The following FABP6 variants were observed in gnomAD, a reference collection of about 807,000 sequenced individuals.
FABP6 encodes the protein fatty acid binding protein 6, also known as gastrotropin.
In FABP6, 13 loss-of-function variants were observed where a neutral mutation model predicts 14.9. That is an observed-to-expected ratio of 0.87 (90% CI 0.57 to 1.39). The LOEUF is 1.39. Among genes scored for constraint, FABP6 ranks in the 40% most tolerant of loss-of-function variants. The pLI, the probability that FABP6 is intolerant of heterozygous loss-of-function variation, is 0.00. For missense variants in FABP6, 161 were observed against 167.2 expected (o/e 0.96, Z 0.20); for synonymous variants, 75 against 63.6 (o/e 1.18, Z -0.85).
chr5:160,209,701 T>G (rs930472193), intron 2 of FABP6, among the ~76,000 whole-genome samples: 1 of 146,494 alleles, frequency 6.8e-6, no homozygotes. Flanking sequence ...ATCATCGTCT[T>G]TTTTGTCTTT....
At chr5:160,217,992 G>A (rs190954092) in intron 3 of FABP6, among the ~76,000 whole-genome samples, 1 of 152,236 alleles carries the variant, frequency 6.6e-6, no homozygotes, top group East Asian at 1.9e-4. Context: ...AGGAGGTAGT[G>A]CAGTGGCACA....
At chr5:160,206,610 G>A (rs771590272) in intron 2 of FABP6, among the ~76,000 whole-genome samples, 14 of 152,016 alleles carry the variant, frequency 9.2e-5, no homozygotes, top group Middle Eastern at 6.3e-3. Flanking sequence ...AAATGCACAC[G>A]GGCAGTATGC....
At chr5:160,232,329 TCTCAAACATGGC>T in intron 2 of FABP6, 56 bp downstream of exon 2, 1 of 1,499,638 alleles carries the variant, frequency 6.7e-7, no homozygotes, top group Non-Finnish European at 9.0e-7. Context: ...GACTTCTCCT[TCTCAAACATGGC>T]CTCCCCGCTC....
chr5:160,209,277 G>A (rs926146796), intron 2 of FABP6, among the ~76,000 whole-genome samples: 4 of 152,026 alleles, frequency 2.6e-5, no homozygotes, highest in Non-Finnish European at 5.9e-5. Context: ...AGAACCTTGG[G>A]AGGCCAAGGC....
chr5:160,195,110 C>T (rs1310189796), intron 1 of FABP6, among the ~76,000 whole-genome samples: 2 of 151,912 alleles, frequency 1.3e-5, no homozygotes, highest in South Asian at 4.2e-4. Context: ...CATGGTGAAA[C>T]CCCGACTCTA....
At chr5:160,228,377 G>A (rs558136120), upstream of FABP6, 7 of 454,474 alleles carry the variant, frequency 1.5e-5, no homozygotes, top group African/African-American at 8.0e-5. Flanking sequence ...GGAAACAAGA[G>A]TGAAACTCCA....
At chr5:160,189,238 T>G (rs1251243498) in intron 1 of FABP6, among the ~76,000 whole-genome samples, 1 of 152,164 alleles carries the variant, frequency 6.6e-6, no homozygotes, top group Non-Finnish European at 1.5e-5. Flanking sequence ...CGTATTTTAC[T>G]TATTATTTAT....
At chr5:160,209,933 T>C (rs1759851459) in intron 2 of FABP6, among the ~76,000 whole-genome samples, 1 of 152,102 alleles carries the variant, frequency 6.6e-6, no homozygotes, top group Admixed American at 6.5e-5. Context: ...TAATCAAAAG[T>C]ATAATAAGAA....
At chr5:160,211,495 G>A (rs567921932) in intron 2 of FABP6, among the ~76,000 whole-genome samples, 9 of 152,256 alleles carry the variant, frequency 5.9e-5, no homozygotes, top group African/African-American at 1.4e-4. Context: ...TTCTGTCAAC[G>A]AGGACACCCC....
chr5:160,194,099 G>A (rs1233739848), intron 1 of FABP6, among the ~76,000 whole-genome samples: 4 of 152,196 alleles, frequency 2.6e-5, no homozygotes, highest in African/African-American at 9.6e-5. Context: ...GGCCGGCACT[G>A]CTGGGGGACC....
intron 1 of FABP6, among the ~76,000 whole-genome samples, chr5:160,193,605 A>G (rs4409134): frequency 0.091 from 13,899 of 152,084 alleles, 854 homozygotes; most frequent in East Asian, 0.36. Flanking sequence ...CCATCAGATT[A>G]GTTAGATACA....
At chr5:160,233,195 T>G (rs901801243) in intron 2 of FABP6, among the ~76,000 whole-genome samples, 32 of 151,950 alleles carry the variant, frequency 2.1e-4, no homozygotes, top group African/African-American at 7.2e-4. Flanking sequence ...TTGACCAGGC[T>G]GGTCTCAAAC....
At chr5:160,190,041 C>A (rs943938412) in intron 1 of FABP6, among the ~76,000 whole-genome samples, 8 of 152,186 alleles carry the variant, frequency 5.3e-5, no homozygotes, top group African/African-American at 1.9e-4. Context: ...TGTATTAGAT[C>A]TGCCTTCAGA....
intron 2 of FABP6, among the ~76,000 whole-genome samples, chr5:160,211,920 T>G (rs952435882): frequency 1.1e-4 from 16 of 151,446 alleles, no homozygotes; most frequent in Admixed American, 9.2e-4. Context: ...GCCTTCCAGC[T>G]GCTTATATCT....
intron 1 of FABP6, among the ~76,000 whole-genome samples, chr5:160,190,840 CG>C (rs1759378779): frequency 6.6e-6 from 1 of 152,044 alleles, no homozygotes; most frequent in African/African-American, 2.4e-5. Flanking sequence ...AGGCCGGGCA[CG>C]GTGGCTCATG....
chr5:160,201,564 T>C (rs922513689), intron 2 of FABP6, among the ~76,000 whole-genome samples: 3 of 152,128 alleles, frequency 2.0e-5, no homozygotes, highest in African/African-American at 7.2e-5. Flanking sequence ...CCAAATGCAA[T>C]GCCATACAAT....
intron 3 of FABP6, among the ~76,000 whole-genome samples, chr5:160,218,665 T>C (rs749758856): frequency 2.0e-5 from 3 of 151,576 alleles, no homozygotes; most frequent in Non-Finnish European, 2.9e-5. Context: ...TTCGCCATGT[T>C]GGTTAGGGTG....
upstream of FABP6, among the ~76,000 whole-genome samples, chr5:160,229,009 A>G (rs151095830): frequency 8.8e-3 from 1,337 of 152,266 alleles, 16 homozygotes; most frequent in African/African-American, 0.031. Context: ...CCCATGCTCC[A>G]GGTCAGCCAT....
At chr5:160,191,604 T>C (rs1260145488) in intron 1 of FABP6, among the ~76,000 whole-genome samples, 1 of 152,130 alleles carries the variant, frequency 6.6e-6, no homozygotes, top group African/African-American at 2.4e-5. Context: ...TTTCTCTTTT[T>C]ATTTATTAAA....
Sources: allele counts gnomAD v4.1 joint callset (sites outside exome capture counted in the v4.1 genomes callset), GRCh38; gene constraint gnomAD v4.1.1; transcripts MANE v1.5; gene names NCBI Gene and HGNC (gene_info 2026-07-23, HGNC 2026-07-21).